Variants in CHD7 observed in about 807,000 individuals in gnomAD.
CHD7 encodes the protein ATP-dependent chromatin remodeler CHD7.
CHD7 carries 24 observed loss-of-function variants against 307.3 expected under a neutral mutation model. The observed-to-expected ratio is 0.08, with a 90% CI of 0.06 to 0.11. The LOEUF is 0.11. Among genes scored for constraint, CHD7 ranks in the 10% least tolerant of loss-of-function variants. The probability of loss-of-function intolerance (pLI) is 1.00; values close to 1 mark genes in which losing one functional copy is unlikely to be tolerated. For synonymous variants in CHD7, 1,363 were observed against 1,349.9 expected, an observed-to-expected ratio of 1.01 and a Z score of -0.21; for missense variants, 3,106 against 3,727.1, an observed-to-expected ratio of 0.83 and a Z score of 4.34.
chr8:60,841,553 A>G, intron 19 of CHD7, 91 bp from the exon 20 acceptor site: 1 of 948,200 alleles, frequency 1.1e-6, no homozygotes, highest in Non-Finnish European at 1.7e-6. Context: ...AGGAATGCAC[A>G]ATATCGGAGC....
At chr8:60,738,431 A>G (rs536853050) in intron 1 of CHD7, among the ~76,000 whole-genome samples, 1 of 152,206 alleles carries the variant, frequency 6.6e-6, no homozygotes, top group Non-Finnish European at 1.5e-5. Context: ...TGGCCCATTG[A>G]ACAGTGTTCA....
intron 1 of CHD7, among the ~76,000 whole-genome samples, chr8:60,736,301 A>T (rs995588815): frequency 6.6e-6 from 1 of 152,124 alleles, no homozygotes; most frequent in African/African-American, 2.4e-5. Flanking sequence ...TGGGTGGGGC[A>T]GTGGGAGGAG....
chr8:60,748,693 C>T (rs914022076), intron 2 of CHD7, among the ~76,000 whole-genome samples: 4 of 152,196 alleles, frequency 2.6e-5, no homozygotes, highest in African/African-American at 9.6e-5. Flanking sequence ...AGAATTTACA[C>T]TGCACAGTCC....
At chr8:60,709,491 G>A (rs928976952) in intron 1 of CHD7, among the ~76,000 whole-genome samples, 2 of 152,190 alleles carry the variant, frequency 1.3e-5, no homozygotes, top group African/African-American at 4.8e-5. Context: ...TGCAACTAAA[G>A]TATGCTGAAT....
At chr8:60,845,501 G>C (rs1311938512) in intron 23 of CHD7, 92 bp downstream of exon 23, 10 of 1,389,338 alleles carry the variant, frequency 7.2e-6, no homozygotes, top group Middle Eastern at 2.2e-4. Flanking sequence ...TGCAGATGCA[G>C]AACTCGCAGA....
chr8:60,758,758 C>T (rs1375143410), intron 2 of CHD7, among the ~76,000 whole-genome samples: 1 of 152,178 alleles, frequency 6.6e-6, no homozygotes, highest in Non-Finnish European at 1.5e-5. Context: ...GAGCGCTCTT[C>T]TTGGTGATAG....
At chr8:60,725,664 G>A (rs1238351393) in intron 1 of CHD7, among the ~76,000 whole-genome samples, 1 of 152,164 alleles carries the variant, frequency 6.6e-6, no homozygotes, top group Non-Finnish European at 1.5e-5. Flanking sequence ...CCCTTGAATT[G>A]TTATTTTGAT....
intron 2 of CHD7, among the ~76,000 whole-genome samples, chr8:60,772,801 C>T (rs980099198): frequency 6.6e-5 from 10 of 152,186 alleles, no homozygotes; most frequent in Admixed American, 3.9e-4. Flanking sequence ...CTGTCTTTGT[C>T]ATTTTTACTT....
chr8:60,793,220 C>T lies in CHD7; in HGVS notation c.2097-1766C>T, dbSNP rs1189539605. Among the ~76,000 whole-genome samples the T allele has an allele frequency of 3.3e-5, 5 of 151,726 alleles. No homozygotes were observed. In the South Asian group the frequency reaches 8.3e-4, roughly 25 times the overall value. On this transcript the variant is annotated intron_variant, in intron 3 of 37. Transcript: ENST00000423902. The stretch of plus-strand genomic sequence containing the variant: ...TCCATGTGTAGCGTAAACACTAGGA[C>T]AGTTGGATGAGGAACGGTTGTATGG...
intron 17 of CHD7, 79 bp downstream of exon 17, chr8:60,837,091 C>T: frequency 8.7e-7 from 1 of 1,151,800 alleles, no homozygotes; most frequent in Admixed American, 2.3e-5. Flanking sequence ...CAGTCAGACC[C>T]ATAAATTAAT....
rs760357948 is a variant in CHD7, at chr8:60,794,995, A to T, written c.2106A>T (p.Lys702Asn). 3.1e-6 allele frequency: 5 copies of T among 1,613,166 alleles called. No individual in the cohort carries two copies. The highest frequency in any genetic ancestry group is 4.2e-6 in the Non-Finnish European group (5 of 1,179,658). Residue 702 changes from lysine (K) to asparagine (N), a missense_variant, in exon 4 of 38, where the codon AAA becomes AAT. Coordinates refer to ENST00000423902, the MANE Select transcript of CHD7 (RefSeq NM_017780.4). The stretch of plus-strand genomic sequence containing the variant: ...CCACTTTGAATTCTAGTAATAAGAA[A>T]CCTGACTCAGAAGCAAGTGCTTTGA... The part of the protein sequence containing the change: ...PKSSKKSSNK[K>N]PDSEASALKK...
At position 60,845,318 on chromosome 8, in the gene CHD7, G is replaced by A; in HGVS notation, c.5119G>A (p.Val1707Met). 1 of 1,614,028 alleles carries A rather than the reference G, an allele frequency of 6.2e-7. No individual in the cohort carries two copies. The highest frequency in any genetic ancestry group is 8.5e-7 in the Non-Finnish European group (1 of 1,179,894). The stretch of plus-strand genomic sequence containing the variant: ...GAAAGCCCAGAGCACACAGCCGGTG[G>A]TGCAGGATGCCGACTGGCTGGCCAG... ...KVKAQSTQPV[V>M]QDADWLASCN... Residue 1707 changes from valine to methionine, a missense_variant, in exon 23 of 38, where the codon GTG becomes ATG. Val to Met is a conservative substitution (Grantham distance 21, BLOSUM62 1). Coordinates refer to ENST00000423902, the MANE Select transcript of CHD7 (RefSeq NM_017780.4).
At chr8:60,702,800 G>A (rs966613166) in intron 1 of CHD7, among the ~76,000 whole-genome samples, 5 of 152,210 alleles carry the variant, frequency 3.3e-5, no homozygotes, top group Admixed American at 2.6e-4. Context: ...TTTGTGGGTT[G>A]GCAGTTTGGA....
chr8:60,724,585 A>T (rs1159604191), intron 1 of CHD7, among the ~76,000 whole-genome samples: 1 of 152,186 alleles, frequency 6.6e-6, no homozygotes, highest in Non-Finnish European at 1.5e-5. Context: ...AATTTGCCTG[A>T]TGTAAAGAGA....
At chr8:60,748,141 T>C (rs1009465081) in intron 2 of CHD7, among the ~76,000 whole-genome samples, 2 of 152,148 alleles carry the variant, frequency 1.3e-5, no homozygotes, top group African/African-American at 2.4e-5. Flanking sequence ...GAATATGCCA[T>C]GAAAAGCACA....
intron 1 of CHD7, among the ~76,000 whole-genome samples, chr8:60,729,746 A>G (rs997042964): frequency 2.6e-5 from 4 of 152,168 alleles, no homozygotes; most frequent in South Asian, 2.1e-4. Flanking sequence ...AACAAATGTC[A>G]TGTCTGGTAG....
At chr8:60,822,825 C>T (rs991661458) in intron 12 of CHD7, 79 bp downstream of exon 12, 6 of 1,359,554 alleles carry the variant, frequency 4.4e-6, no homozygotes, top group Non-Finnish European at 1.9e-6. Flanking sequence ...GTCTTGGTGA[C>T]TTGGGAAGGT....
chr8:60,794,883 T>A, intron 3 of CHD7, 103 bp from the exon 4 acceptor site: 2 of 1,090,662 alleles, frequency 1.8e-6, no homozygotes, highest in Non-Finnish European at 2.6e-6. Flanking sequence ...TGTATGGATT[T>A]ATCAGTTGTC....
intron 1 of CHD7, among the ~76,000 whole-genome samples, chr8:60,704,185 A>G (rs1007447362): frequency 2.0e-5 from 3 of 152,126 alleles, no homozygotes; most frequent in African/African-American, 7.2e-5. Context: ...TGGCTATAGA[A>G]TTTATCGTTT....
Sources: gnomAD v4.1 joint callset for allele counts (sites outside exome capture counted in the v4.1 genomes callset) on GRCh38, gnomAD v4.1.1 for gene constraint, MANE v1.5 for transcripts, NCBI Gene and HGNC (gene_info 2026-07-23, HGNC 2026-07-21) for gene names.